Variants in LUZP2 observed in about 807,000 individuals in gnomAD.
The protein encoded by LUZP2 is leucine zipper protein 2.
A neutral mutation model predicts 51.6 loss-of-function variants in LUZP2; 52 were observed. The observed-to-expected ratio is 1.01, with a 90% CI of 0.81 to 1.27. LUZP2 has a LOEUF of 1.27. Ranked by LOEUF, LUZP2 falls within the 50% of genes most tolerant of loss-of-function variation. LUZP2 has a pLI of 0.00. For synonymous variants in LUZP2, 154 were observed against 137.3 expected, an observed-to-expected ratio of 1.12 and a Z score of -0.85; for missense variants, 436 against 395.4, an observed-to-expected ratio of 1.10 and a Z score of -0.87.
intron 10 of LUZP2, among the ~76,000 whole-genome samples, chr11:25,064,807 C>T (rs550405495): frequency 1.3e-5 from 2 of 152,150 alleles, no homozygotes; most frequent in Non-Finnish European, 2.9e-5. Flanking sequence ...ATGCCTAGCC[C>T]TTCTCCCAGC....
At chr11:24,767,817 A>G (rs1860249421) in intron 5 of LUZP2, among the ~76,000 whole-genome samples, 1 of 152,174 alleles carries the variant, frequency 6.6e-6, no homozygotes, top group African/African-American at 2.4e-5. Flanking sequence ...CCAGAAAATA[A>G]ATCAAAACAA....
chr11:24,860,842 G>A (rs185573551), intron 5 of LUZP2, among the ~76,000 whole-genome samples: 3 of 152,212 alleles, frequency 2.0e-5, no homozygotes, highest in East Asian at 3.9e-4. Context: ...AACTCACAAA[G>A]ATAAGACAGA....
At chr11:24,588,643 C>CTTAA (rs566265164) in intron 1 of LUZP2, among the ~76,000 whole-genome samples, 2,092 of 151,804 alleles carry the variant, frequency 0.014, 37 homozygotes, top group South Asian at 0.057. Flanking sequence ...AATTTTTTCC[C>CTTAA]AAAAAGATTA....
intron 5 of LUZP2, among the ~76,000 whole-genome samples, chr11:24,774,909 C>G (rs1193124223): frequency 6.7e-6 from 1 of 149,278 alleles, no homozygotes; most frequent in Non-Finnish European, 1.5e-5. Flanking sequence ...AGAATCGTGA[C>G]TAATACGGCA....
intron 5 of LUZP2, among the ~76,000 whole-genome samples, chr11:24,813,875 C>T (rs1018493805): frequency 3.3e-5 from 5 of 152,178 alleles, no homozygotes; most frequent in African/African-American, 7.2e-5. Context: ...ATGTTCAAAT[C>T]CTAACCTTCC....
intron 1 of LUZP2, among the ~76,000 whole-genome samples, chr11:24,578,297 G>T (rs1002934036): frequency 3.9e-5 from 6 of 151,996 alleles, no homozygotes; most frequent in Non-Finnish European, 8.8e-5. Context: ...TTACTGTCCA[G>T]AAATATTTCA....
chr11:24,837,437 A>G (rs2134192410), intron 5 of LUZP2, among the ~76,000 whole-genome samples: 1 of 151,848 alleles, frequency 6.6e-6, no homozygotes, highest in Admixed American at 6.6e-5. Context: ...GAATGCTGCG[A>G]TCTTTAACTA....
At chr11:25,022,410 T>C (rs1220360980) in intron 9 of LUZP2, among the ~76,000 whole-genome samples, 1 of 152,002 alleles carries the variant, frequency 6.6e-6, no homozygotes, top group Non-Finnish European at 1.5e-5. Flanking sequence ...AAATGAAACA[T>C]TTATTACTAG....
intron 1 of LUZP2, among the ~76,000 whole-genome samples, chr11:24,537,742 G>T: frequency 6.6e-6 from 1 of 151,902 alleles, no homozygotes; most frequent in African/African-American, 2.4e-5. Flanking sequence ...ATTTTTTACG[G>T]ATACCTTTTG....
chr11:25,002,785 A>G (rs1462437609), intron 9 of LUZP2, among the ~76,000 whole-genome samples: 2 of 152,114 alleles, frequency 1.3e-5, no homozygotes, highest in African/African-American at 4.8e-5. Flanking sequence ...GAAGGCTTAA[A>G]CCTGGAGCTT....
chr11:24,711,224 C>T lies in LUZP2; in HGVS notation c.63-17945C>T, dbSNP rs192034502. On this transcript the variant is annotated intron_variant, in intron 1 of 11. Transcript: ENST00000336930. ...CAGCACTTTGGGAGGCCAAGGCGGG[C>T]GGATCACGAGGTCAGGAGATCGAGA... Among the ~76,000 whole-genome samples, 592 of 152,004 alleles carry T rather than the reference C, an allele frequency of 3.9e-3. 4 individuals are homozygous for T. Among genetic ancestry groups the T allele is most frequent in the African/African-American group, 0.013 (552 of 41,476 alleles).
At chr11:24,714,086 T>C (rs767479620) in intron 1 of LUZP2, among the ~76,000 whole-genome samples, 12 of 151,824 alleles carry the variant, frequency 7.9e-5, no homozygotes, top group Non-Finnish European at 1.3e-4. Flanking sequence ...TTACATAGCA[T>C]TTACACATTG....
intron 5 of LUZP2, among the ~76,000 whole-genome samples, chr11:24,860,914 G>A (rs184696155): frequency 1.2e-4 from 19 of 152,228 alleles, no homozygotes; most frequent in African/African-American, 3.4e-4. Flanking sequence ...CCAAATGATC[G>A]CAACATTTTG....
At chr11:24,776,834 C>A (rs1284653040) in intron 5 of LUZP2, among the ~76,000 whole-genome samples, 2 of 152,068 alleles carry the variant, frequency 1.3e-5, no homozygotes, top group Non-Finnish European at 2.9e-5. Context: ...GGAAGAACTG[C>A]TTTGTTTCCA....
chr11:25,053,461 A>T (rs900981027), intron 10 of LUZP2, among the ~76,000 whole-genome samples: 6 of 152,000 alleles, frequency 3.9e-5, no homozygotes, highest in African/African-American at 7.2e-5. Context: ...TGTATGTTTC[A>T]ATCATTCATC....
At chr11:24,565,798 T>G (rs1852195689) in intron 1 of LUZP2, among the ~76,000 whole-genome samples, 1 of 152,154 alleles carries the variant, frequency 6.6e-6, no homozygotes, top group South Asian at 2.1e-4. Context: ...AGTAAACAGT[T>G]TGTCTTCTTA....
intron 1 of LUZP2, among the ~76,000 whole-genome samples, chr11:24,683,308 A>G (rs903232009): frequency 6.6e-6 from 1 of 152,222 alleles, no homozygotes; most frequent in Non-Finnish European, 1.5e-5. Context: ...AGTTGAATTA[A>G]TGACACGATT....
At chr11:24,993,870 G>T (rs907610416) in intron 9 of LUZP2, among the ~76,000 whole-genome samples, 1 of 151,422 alleles carries the variant, frequency 6.6e-6, no homozygotes, top group African/African-American at 2.4e-5. Flanking sequence ...TTTTTGGGGG[G>T]GGTGTGGGGG....
chr11:24,582,022 A>G (rs933422197), intron 1 of LUZP2, among the ~76,000 whole-genome samples: 1 of 152,070 alleles, frequency 6.6e-6, no homozygotes, highest in African/African-American at 2.4e-5. Flanking sequence ...TCTGTGCTGC[A>G]GCCATGATTC....
Sources: gnomAD v4.1 joint callset for allele counts (sites outside exome capture counted in the v4.1 genomes callset) on GRCh38, gnomAD v4.1.1 for gene constraint, MANE v1.5 for transcripts, NCBI Gene and HGNC (gene_info 2026-07-23, HGNC 2026-07-21) for gene names.